Variants in COL19A1 observed in about 807,000 individuals in gnomAD.
COL19A1 encodes collagen type XIX alpha 1 chain.
COL19A1 carries 159 observed loss-of-function variants against 190.2 expected under a neutral mutation model. The observed-to-expected ratio is 0.84, with a 90% CI of 0.73 to 0.95. The LOEUF is 0.95. Ranked by LOEUF, COL19A1 falls within the 40% of genes least tolerant of loss-of-function variation. The pLI is 0.00. For synonymous variants in COL19A1, 509 were observed against 458.9 expected (o/e 1.11, Z -1.39); for missense variants, 1,418 against 1,431.9 (o/e 0.99, Z 0.16).
At chr6:70,124,555 CAA>C (rs59538478) in intron 17 of COL19A1, among the ~76,000 whole-genome samples, 130 of 118,466 alleles carry the variant, frequency 1.1e-3, no homozygotes, top group African/African-American at 3.2e-3. Flanking sequence ...GGTTATATTT[CAA>C]AAAAAAAAAA....
intron 25 of COL19A1, among the ~76,000 whole-genome samples, chr6:70,146,335 C>T (rs57264032): frequency 0.016 from 2,412 of 152,112 alleles, 63 homozygotes; most frequent in African/African-American, 0.052. Flanking sequence ...ACTGGACTGC[C>T]GGAAAATCTA....
At chr6:69,938,441 C>T (rs1773251537) in intron 9 of COL19A1, among the ~76,000 whole-genome samples, 1 of 151,998 alleles carries the variant, frequency 6.6e-6, no homozygotes, top group South Asian at 2.1e-4. Context: ...TGAATTCTTG[C>T]TTCTCTTGTC....
At chr6:69,969,332 C>G (rs902157110) in intron 11 of COL19A1, among the ~76,000 whole-genome samples, 1 of 152,060 alleles carries the variant, frequency 6.6e-6, no homozygotes, top group Non-Finnish European at 1.5e-5. Context: ...CACCCCAAAA[C>G]GTAGTGACTT....
intron 31 of COL19A1, among the ~76,000 whole-genome samples, chr6:70,154,438 T>G (rs1314372576): frequency 6.6e-6 from 1 of 152,160 alleles, no homozygotes; most frequent in Non-Finnish European, 1.5e-5. Context: ...TGTGTCTTTA[T>G]AGTAGAATGA....
At chr6:69,988,544 ACTT>A (rs915549812) in intron 11 of COL19A1, among the ~76,000 whole-genome samples, 15 of 152,366 alleles carry the variant, frequency 9.8e-5, no homozygotes, top group African/African-American at 3.6e-4. Flanking sequence ...TTATGAAAAG[ACTT>A]CTAGCACCTC....
Position 69,928,044 on chromosome 6 carries a change from T to C in COL19A1, c.390+12T>C, listed in dbSNP as rs1317187436. 6.2e-7 allele frequency: 1 copy of C among 1,610,326 alleles called. No individual in the cohort carries two copies. Among genetic ancestry groups the C allele is most frequent in the Non-Finnish European group, 8.5e-7 (1 of 1,177,630 alleles). ...AGAATATTCCACAGGTAAAGTACCA[T>C]TAGAGTTGTGCTCATTAGTTTTCCT... On this transcript the variant is annotated intron_variant, in intron 5 of 50. Coordinates refer to ENST00000620364, the MANE Select transcript of COL19A1 (RefSeq NM_001858.6).
intron 4 of COL19A1, among the ~76,000 whole-genome samples, chr6:69,901,090 G>C (rs750192437): frequency 4.6e-5 from 7 of 152,106 alleles, no homozygotes; most frequent in Non-Finnish European, 1.0e-4. Flanking sequence ...ATTATTCCTG[G>C]AGTCCAAGAT....
intron 20 of COL19A1, among the ~76,000 whole-genome samples, chr6:70,141,504 G>T (rs1268482228): frequency 1.3e-5 from 2 of 151,940 alleles, no homozygotes; most frequent in Non-Finnish European, 2.9e-5. Flanking sequence ...ACTAAAAGTA[G>T]AATCACCAAC....
chr6:70,156,011 A>T, intron 31 of COL19A1, 116 bp from the exon 32 acceptor site: 1 of 738,946 alleles, frequency 1.4e-6, no homozygotes. Flanking sequence ...AAGCAGAATG[A>T]CCTATCTATA....
At chr6:70,008,635 A>G (rs1243072129) in intron 11 of COL19A1, among the ~76,000 whole-genome samples, 1 of 151,888 alleles carries the variant, frequency 6.6e-6, no homozygotes, top group Non-Finnish European at 1.5e-5. Flanking sequence ...AATCCTACAC[A>G]TAATTTTTTC....
At chr6:69,996,741 T>G (rs907502645) in intron 11 of COL19A1, among the ~76,000 whole-genome samples, 1 of 152,072 alleles carries the variant, frequency 6.6e-6, no homozygotes, top group African/African-American at 2.4e-5. Flanking sequence ...AACATAAGCT[T>G]ATTTAAAACC....
At chr6:69,996,064 G>A (rs752013627) in intron 11 of COL19A1, among the ~76,000 whole-genome samples, 5 of 152,062 alleles carry the variant, frequency 3.3e-5, no homozygotes, top group Non-Finnish European at 5.9e-5. Flanking sequence ...ACTTTATCTC[G>A]ATTCATCTTT....
Position 70,149,862 on chromosome 6 carries a change from T to C in COL19A1, c.1941T>C (p.Gly647=), listed in dbSNP as rs565163116. The C allele has an allele frequency of 6.2e-7, 1 of 1,613,658 alleles. No individual in the cohort carries two copies. The highest frequency in any genetic ancestry group is 1.1e-5 in the South Asian group (1 of 91,054). ...CCCTCCTTTTCCAGGGTCCTCGAGG[T>C]CTCCCTGGGTTGCCAGGAACTCCAG... ...AGEPGIQGPR[G]LPGLPGTPGT... The change falls in exon 29 of 51, where the codon GGT becomes GGC. Residue 647 remains glycine (G), a synonymous_variant. Coordinates refer to ENST00000620364, the MANE Select transcript of COL19A1 (RefSeq NM_001858.6).
At position 70,040,814 on chromosome 6, in the gene COL19A1, T is replaced by C. The variant is rs1458169985; in HGVS notation, c.1170+4875T>C. Among the ~76,000 whole-genome samples the C allele has an allele frequency of 2.0e-5, 3 of 152,222 alleles. No individual in the cohort carries two copies. In the East Asian group the frequency reaches 5.8e-4, roughly 29 times the overall value. Reference sequence around the variant, plus strand: ...CCTTTAAATATTCTGTCAATCTACTTGACTTGATAAAAATAGAATTATACT... The same window carrying C: ...CCTTTAAATATTCTGTCAATCTACTCGACTTGATAAAAATAGAATTATACT... On this transcript the variant is annotated intron_variant, in intron 14 of 50. Transcript: ENST00000620364.
intron 11 of COL19A1, among the ~76,000 whole-genome samples, chr6:69,971,250 A>G (rs3793031): frequency 0.22 from 33,392 of 151,990 alleles, 6,179 homozygotes; most frequent in African/African-American, 0.5. Context: ...TCACTATATA[A>G]ATACGTAATA....
chr6:70,017,130 C>A (rs1003431310), intron 11 of COL19A1, among the ~76,000 whole-genome samples: 1 of 151,958 alleles, frequency 6.6e-6, no homozygotes, highest in African/African-American at 2.4e-5. Context: ...ATATGGTGTA[C>A]CCACATAAAT....
chr6:69,895,223 G>GA (rs1002689056), intron 2 of COL19A1, among the ~76,000 whole-genome samples: 12 of 151,576 alleles, frequency 7.9e-5, no homozygotes, highest in Non-Finnish European at 1.0e-4. Flanking sequence ...CCTGAAAAAG[G>GA]AAAAAAAAGG....
intron 4 of COL19A1, among the ~76,000 whole-genome samples, chr6:69,912,490 T>G (rs1771006879): frequency 6.6e-6 from 1 of 152,234 alleles, no homozygotes; most frequent in South Asian, 2.1e-4. Context: ...CTAATTTTCT[T>G]ATCAATGCGT....
intron 17 of COL19A1, among the ~76,000 whole-genome samples, chr6:70,122,452 C>T (rs141954986): frequency 3.1e-4 from 47 of 152,146 alleles, no homozygotes; most frequent in Middle Eastern, 3.4e-3. Context: ...GGAATGCTGA[C>T]GTGGAAGTAT....
Sources: gnomAD v4.1 joint callset for allele counts (sites outside exome capture counted in the v4.1 genomes callset) on GRCh38, gnomAD v4.1.1 for gene constraint, MANE v1.5 for transcripts, NCBI Gene and HGNC (gene_info 2026-07-23, HGNC 2026-07-21) for gene names.